Variants in GLB1 observed in about 807,000 individuals in gnomAD.
The protein encoded by GLB1 is galactosidase beta 1.
GLB1 carries 56 observed loss-of-function variants against 74.0 expected under a neutral mutation model. That is an observed-to-expected ratio of 0.76 (90% CI 0.61 to 0.94). GLB1 has a LOEUF of 0.94. GLB1 is among the 40% of genes least tolerant of loss of function. The pLI is 0.00. For synonymous variants in GLB1, 323 were observed against 323.6 expected (o/e 1.00, Z 0.02); for missense variants, 787 against 845.5 (o/e 0.93, Z 0.86).
At chr3:33,030,688 C>A in intron 10 of GLB1, 3 of 985,378 alleles carry the variant, frequency 3.0e-6, no homozygotes, top group Non-Finnish European at 3.6e-6. Context: ...ACCACTCAGC[C>A]CAGTTACTAC....
chr3:33,092,547 G>C, intron 1 of GLB1: 1 of 1,178,610 alleles, frequency 8.5e-7, no homozygotes, highest in Non-Finnish European at 1.1e-6. Flanking sequence ...GCAGGAGAAG[G>C]TCCCCATTCC....
At chr3:33,015,234 C>T (rs116042539) in intron 14 of GLB1, among the ~76,000 whole-genome samples, 6 of 152,090 alleles carry the variant, frequency 3.9e-5, no homozygotes, top group African/African-American at 1.4e-4. Context: ...GGAGCAGGTA[C>T]GACGGATGCA....
chr3:33,018,664 G>C, intron 12 of GLB1, 103 bp from the exon 13 acceptor site: 1 of 1,290,022 alleles, frequency 7.8e-7, no homozygotes, highest in South Asian at 1.3e-5. Context: ...CAAACCATAA[G>C]GAATGAAAAT....
At position 33,077,158 on chromosome 3, in the gene GLB1, T is replaced by C. The variant is rs776697009; in HGVS notation, c.76-4445A>G. ...GCTTGCGTGCTCATTCGGTGCAGTCTTGGTACCTCTTTTGTGAAGCGGCAG... is the reference window on the plus strand; with the variant it reads ...GCTTGCGTGCTCATTCGGTGCAGTCCTGGTACCTCTTTTGTGAAGCGGCAG... On this transcript the variant is annotated intron_variant, in intron 1 of 15. Transcript: ENST00000307363. The C allele has an allele frequency of 2.2e-5, 32 of 1,452,850 alleles. No individual in the cohort carries two copies. In the African/African-American group the frequency reaches 4.0e-4, roughly 18 times the overall value. The allele number at this position is 1,452,850 out of a possible 1,614,324, so 90.0% of individuals were successfully genotyped here. A position where few individuals can be genotyped will look rare whatever the true frequency, so the allele number is the denominator to read the frequency against.
At chr3:32,971,920 A>G in the GLB1 span, among the ~76,000 whole-genome samples, 1 of 152,196 alleles carries the variant, frequency 6.6e-6, no homozygotes, top group South Asian at 2.1e-4. Flanking sequence ...ATGTGTGTTA[A>G]AAACAATCGA....
chr3:33,006,562 T>C (rs1307375077), intron 15 of GLB1, among the ~76,000 whole-genome samples: 1 of 152,122 alleles, frequency 6.6e-6, no homozygotes, highest in Non-Finnish European at 1.5e-5. Context: ...TAATGGACTT[T>C]CCAGTCAGAT....
At position 33,093,777 on chromosome 3, in the gene GLB1, T is replaced by G. The variant is rs958407806; in HGVS notation, c.75+3234A>C. On this transcript the variant is annotated intron_variant, in intron 1 of 15. Transcript: ENST00000307363. This position sits in a 1 kb window ranked among gnomAD's most constrained non-coding sequence, Gnocchi z 6.0. The stretch of plus-strand genomic sequence containing the variant: ...GCGCCAGGCCAAGAGCTGGTAGGCC[T>G]GCTCCATGCCGCTGAGGATGAAGAG... 6.2e-7 allele frequency: 1 copy of G among 1,613,402 alleles called. No homozygotes were observed. Among genetic ancestry groups the G allele is most frequent in the African/African-American group, 1.3e-5 (1 of 74,902 alleles).
In GLB1 at chr3:33,014,115, G is replaced by A; in HGVS notation, c.1675C>T (p.Pro559Ser). 1.9e-6 allele frequency: 3 copies of A among 1,614,206 alleles called. No homozygotes were observed. The highest frequency in any genetic ancestry group is 2.5e-6 in the Non-Finnish European group (3 of 1,180,036). The change falls in exon 15 of 16, where the codon CCC (proline) becomes TCC (serine). Residue 559 changes from proline (P) to serine (S), a missense_variant. Pro to Ser is a moderately conservative substitution (Grantham distance 74). Coordinates refer to ENST00000307363, the MANE Select transcript of GLB1 (RefSeq NM_000404.4). ...PAFYMGNFSI[P>S]SGIPDLPQDT... ...TGGGGCAAGTCTGGGATCCCACTGGGAATGGAGAAGTTCCCCATATAAAAG... is the reference window on the plus strand; with the variant it reads ...TGGGGCAAGTCTGGGATCCCACTGGAAATGGAGAAGTTCCCCATATAAAAG...
intron 9 of GLB1, among the ~76,000 whole-genome samples, chr3:33,050,819 A>G (rs1698945209): frequency 6.6e-6 from 1 of 152,260 alleles, no homozygotes; most frequent in Admixed American, 6.5e-5. Flanking sequence ...TAAAAGAAAG[A>G]GACCACAGTA....
intron 10 of GLB1, among the ~76,000 whole-genome samples, chr3:33,026,114 G>A (rs1697742282): frequency 6.6e-6 from 1 of 151,610 alleles, no homozygotes; most frequent in South Asian, 2.1e-4. Flanking sequence ...AGCTGGGCGT[G>A]GCTGCAGCTA....
At chr3:33,076,998 A>G (rs1322258737) in intron 1 of GLB1, 8 of 1,179,610 alleles carry the variant, frequency 6.8e-6, no homozygotes, top group Admixed American at 6.3e-5. Flanking sequence ...CCAAGGCAGG[A>G]GAATTGCTAG....
At chr3:33,022,113 C>T (rs1432577384) in intron 11 of GLB1, among the ~76,000 whole-genome samples, 1 of 152,176 alleles carries the variant, frequency 6.6e-6, no homozygotes, top group Non-Finnish European at 1.5e-5. Context: ...ACTTCACCCT[C>T]CTCTGAACTT....
At chr3:33,092,213 T>C in intron 1 of GLB1, 1 of 985,690 alleles carries the variant, frequency 1.0e-6, no homozygotes, top group Non-Finnish European at 1.2e-6. Context: ...ATAGCATCCC[T>C]CAAGGCCTGG....
intron 9 of GLB1, among the ~76,000 whole-genome samples, chr3:33,047,307 T>G (rs1015951220): frequency 2.6e-5 from 4 of 152,318 alleles, no homozygotes; most frequent in African/African-American, 9.6e-5. Context: ...TCAGGGATGA[T>G]GTTCACAGGT....
chr3:33,090,943 T>G (rs923055747), intron 1 of GLB1: 73 of 984,732 alleles, frequency 7.4e-5, no homozygotes, highest in Non-Finnish European at 8.7e-5. Flanking sequence ...AAAATAGGAC[T>G]TAATGAAAGC....
chr3:33,028,503 A>G (rs1043316619), intron 10 of GLB1, among the ~76,000 whole-genome samples: 4 of 151,792 alleles, frequency 2.6e-5, no homozygotes, highest in Non-Finnish European at 5.9e-5. Context: ...TGGAGTCTCA[A>G]ACTTCATGTC....
At chr3:33,037,402 T>C (rs898998672) in intron 10 of GLB1, among the ~76,000 whole-genome samples, 17 of 152,132 alleles carry the variant, frequency 1.1e-4, no homozygotes, top group Admixed American at 6.5e-5. Flanking sequence ...ATGGGAGAAA[T>C]GTATGTGAAT....
chr3:33,058,511 A>G (rs1180843358), intron 5 of GLB1, among the ~76,000 whole-genome samples: 1 of 152,186 alleles, frequency 6.6e-6, no homozygotes, highest in Non-Finnish European at 1.5e-5. Context: ...AACAAAAAAC[A>G]CCAAACTGGT....
chr3:33,044,909 G>A (rs188459624), intron 10 of GLB1, among the ~76,000 whole-genome samples: 4 of 152,202 alleles, frequency 2.6e-5, no homozygotes, highest in Admixed American at 1.3e-4. Context: ...AGGGTACAAC[G>A]CTAGCAGGAC....
Sources: gnomAD v4.1 joint callset for allele counts (sites outside exome capture counted in the v4.1 genomes callset) on GRCh38, gnomAD v4.1.1 for gene constraint, Gnocchi (gnomAD v3.1) non-coding constraint, MANE v1.5 for transcripts, NCBI Gene and HGNC (gene_info 2026-07-23, HGNC 2026-07-21) for gene names.